Variants in IL10RB observed in about 807,000 individuals in gnomAD.
IL10RB encodes interleukin 10 receptor subunit beta.
A neutral mutation model predicts 38.7 loss-of-function variants in IL10RB; 30 were observed. The observed-to-expected ratio is 0.78, with a 90% CI of 0.58 to 1.05. The LOEUF is 1.05. Ranked by LOEUF, IL10RB falls within the 50% of genes least tolerant of loss-of-function variation. The pLI is 0.00. For synonymous variants in IL10RB, 142 were observed against 145.9 expected, an observed-to-expected ratio of 0.97 and a Z score of 0.19; for missense variants, 328 against 397.1, an observed-to-expected ratio of 0.83 and a Z score of 1.48.
intron 5 of IL10RB, among the ~76,000 whole-genome samples, chr21:33,283,786 G>T (rs1989322371): frequency 2.4e-5 from 1 of 42,350 alleles, no homozygotes; most frequent in Admixed American, 1.8e-4. Flanking sequence ...TTGGAGGAAG[G>T]AACGGGAGAA....
At chr21:33,308,011 G>A (rs1158867088) in intron 1 of IL10RB, among the ~76,000 whole-genome samples, 2 of 152,174 alleles carry the variant, frequency 1.3e-5, no homozygotes, top group East Asian at 3.8e-4. Flanking sequence ...TGAATGCTCA[G>A]GATCTTTCAG....
downstream of IL10RB, among the ~76,000 whole-genome samples, chr21:33,298,302 G>T (rs1021508736): frequency 6.6e-6 from 1 of 152,130 alleles, no homozygotes; most frequent in African/African-American, 2.4e-5. Context: ...TTTTTTCAAT[G>T]TTTGCTGCAT....
intron 2 of IL10RB, among the ~76,000 whole-genome samples, chr21:33,273,673 A>G (rs1486882306): frequency 6.6e-6 from 1 of 152,250 alleles, no homozygotes; most frequent in East Asian, 1.9e-4. Context: ...TACTCACAGA[A>G]GAACTTCTTT....
At chr21:33,267,990 G>C in intron 1 of IL10RB, 1 of 335,452 alleles carries the variant, frequency 3.0e-6, no homozygotes. Flanking sequence ...GAGTTCCCCA[G>C]CTGAGCTCCA....
At chr21:33,310,168 C>A (rs1002971162) in exon 2 of IL10RB, 6 of 152,188 alleles carry the variant, frequency 3.9e-5, no homozygotes, top group Non-Finnish European at 7.3e-5. Context: ...AAATAAATTT[C>A]TGTTGTTTAA....
At chr21:33,300,244 A>G (rs1478998128), downstream of IL10RB, among the ~76,000 whole-genome samples, 1 of 152,196 alleles carries the variant, frequency 6.6e-6, no homozygotes, top group South Asian at 2.1e-4. Flanking sequence ...GTTTGAGACC[A>G]GCCTGGTTAA....
chr21:33,276,478 C>T, intron 2 of IL10RB, 118 bp from the exon 3 acceptor site: 1 of 787,654 alleles, frequency 1.3e-6, no homozygotes, highest in Non-Finnish European at 2.3e-6. Flanking sequence ...ACACGTATTT[C>T]TATGTTTAAC....
At chr21:33,277,866 T>A (rs1277473855) in intron 3 of IL10RB, among the ~76,000 whole-genome samples, 4 of 148,028 alleles carry the variant, frequency 2.7e-5, no homozygotes, top group African/African-American at 5.0e-5. Context: ...AGAGACGGGG[T>A]CTCACCATGT....
intron 2 of IL10RB, among the ~76,000 whole-genome samples, chr21:33,269,581 C>T (rs1989037848): frequency 6.6e-6 from 1 of 151,580 alleles, no homozygotes; most frequent in Non-Finnish European, 1.5e-5. Flanking sequence ...TAATTCCAGA[C>T]TAACAGAACA....
At position 33,296,704 on chromosome 21, in the gene IL10RB, C is replaced by T; in HGVS notation, c.*347C>T. On this transcript the variant is annotated 3_prime_UTR_variant, in exon 7 of 7. Transcript: ENST00000290200. ...TGGCTCACGCCTGTAATACCAGCACCTTAGAGGTCGAGGCAGGCGGATCAC... is the reference window on the plus strand; with the variant it reads ...TGGCTCACGCCTGTAATACCAGCACTTTAGAGGTCGAGGCAGGCGGATCAC... 2.5e-6 allele frequency: 1 copy of T among 397,516 alleles called. No homozygotes were observed. Among genetic ancestry groups the T allele is most frequent in the Non-Finnish European group, 4.9e-6 (1 of 202,342 alleles). The allele number at this position is 397,516 out of a possible 1,614,324, so 24.6% of individuals were successfully genotyped here. A position where few individuals can be genotyped will look rare whatever the true frequency, so the allele number is the denominator to read the frequency against.
At chr21:33,291,550 G>C (rs1275930024) in intron 6 of IL10RB, among the ~76,000 whole-genome samples, 1 of 152,208 alleles carries the variant, frequency 6.6e-6, no homozygotes, top group African/African-American at 2.4e-5. Context: ...ACAGGCGTGA[G>C]CCACAGCGCC....
At chr21:33,291,272 C>CT (rs35602574) in intron 6 of IL10RB, among the ~76,000 whole-genome samples, 61,865 of 149,080 alleles carry the variant, frequency 0.41, 13,257 homozygotes, top group Non-Finnish European at 0.49. Flanking sequence ...ATATGAATTT[C>CT]TTTTTTTTTT....
At position 33,296,842 on chromosome 21, in the gene IL10RB, A is replaced by G; in HGVS notation, c.*485A>G. The G allele has an allele frequency of 3.3e-6, 1 of 306,814 alleles. No homozygotes were observed. The highest frequency in any genetic ancestry group is 6.4e-6 in the Non-Finnish European group (1 of 157,128). The allele number at this position is 306,814 out of a possible 1,614,324, so 19.0% of individuals were successfully genotyped here. A position where few individuals can be genotyped will look rare whatever the true frequency, so the allele number is the denominator to read the frequency against. On this transcript the variant is annotated 3_prime_UTR_variant, in exon 7 of 7. Coordinates refer to ENST00000290200, the MANE Select transcript of IL10RB (RefSeq NM_000628.5). ...GCATGCCTATAATCCCAGCTACTCG[A>G]GTGCCTGAGGCAGGAGAATTGCATG...
At chr21:33,270,802 G>A (rs1432455480) in intron 2 of IL10RB, among the ~76,000 whole-genome samples, 1 of 151,928 alleles carries the variant, frequency 6.6e-6, no homozygotes, top group African/African-American at 2.4e-5. Context: ...AGCCTCCTGA[G>A]TAGCTGGGAC....
chr21:33,294,051 G>A (rs1280265265), intron 6 of IL10RB: 1 of 471,022 alleles, frequency 2.1e-6, no homozygotes, highest in East Asian at 6.9e-5. Context: ...GGAATGAACG[G>A]TAGAGGGGCC....
intron 1 of IL10RB, among the ~76,000 whole-genome samples, chr21:33,302,790 C>G (rs1453676064): frequency 6.6e-6 from 1 of 152,176 alleles, no homozygotes; most frequent in Non-Finnish European, 1.5e-5. Context: ...ATTACACCAC[C>G]ATGGTATACT....
intron 4 of IL10RB, among the ~76,000 whole-genome samples, chr21:33,282,217 C>T (rs1253321482): frequency 2.0e-5 from 3 of 152,096 alleles, no homozygotes; most frequent in Non-Finnish European, 4.4e-5. Context: ...ATGCTGTCAA[C>T]GACCCCAACC....
At chr21:33,280,175 T>G (rs932933184) in intron 4 of IL10RB, among the ~76,000 whole-genome samples, 5 of 152,132 alleles carry the variant, frequency 3.3e-5, no homozygotes, top group Non-Finnish European at 7.3e-5. Context: ...CACAGTTGAG[T>G]CAGAGTTAGC....
chr21:33,279,992 C>T (rs1299540051), intron 4 of IL10RB, 74 bp downstream of exon 4: 1 of 1,328,578 alleles, frequency 7.5e-7, no homozygotes, highest in Admixed American at 1.7e-5. Context: ...GGTGGCAGCA[C>T]CTTATGGACT....
Sources: allele counts gnomAD v4.1 joint callset (sites outside exome capture counted in the v4.1 genomes callset), GRCh38; gene constraint gnomAD v4.1.1; transcripts MANE v1.5; gene names NCBI Gene and HGNC (gene_info 2026-07-23, HGNC 2026-07-21).